Variants in SDC2 observed in about 807,000 individuals in gnomAD.
SDC2 encodes the protein syndecan-2.
SDC2 carries 13 observed loss-of-function variants against 22.2 expected under a neutral mutation model. That is an observed-to-expected ratio of 0.59 (90% CI 0.38 to 0.93). SDC2 has a LOEUF of 0.93. Ranked by LOEUF, SDC2 falls within the 40% of genes least tolerant of loss-of-function variation. SDC2 has a pLI of 0.00. For missense variants in SDC2, 235 were observed against 246.8 expected (o/e 0.95, Z 0.32); for synonymous variants, 94 against 92.8 (o/e 1.01, Z -0.07).
intron 1 of SDC2, among the ~76,000 whole-genome samples, chr8:96,571,830 C>G (rs943839016): frequency 6.6e-6 from 1 of 152,170 alleles, no homozygotes; most frequent in Non-Finnish European, 1.5e-5. Flanking sequence ...AGCTTGGTGG[C>G]TTTTGGAACC....
intron 3 of SDC2, among the ~76,000 whole-genome samples, chr8:96,605,325 C>A (rs975597661): frequency 1.3e-5 from 2 of 152,202 alleles, no homozygotes; most frequent in African/African-American, 4.8e-5. Flanking sequence ...GATTTCTCTT[C>A]CCTTTTCTAA....
At chr8:96,546,862 T>A (rs1325883086) in intron 1 of SDC2, among the ~76,000 whole-genome samples, 1 of 152,194 alleles carries the variant, frequency 6.6e-6, no homozygotes, top group African/African-American at 2.4e-5. Flanking sequence ...TCTGATTCCT[T>A]TGTGGAATTA....
chr8:96,498,433 G>A (rs563656464), intron 1 of SDC2, among the ~76,000 whole-genome samples: 19 of 151,990 alleles, frequency 1.3e-4, no homozygotes, highest in African/African-American at 4.3e-4. Context: ...CAAAGAAGTC[G>A]GGGTTTGGAA....
intron 1 of SDC2, among the ~76,000 whole-genome samples, chr8:96,539,795 T>C (rs1379155530): frequency 6.6e-6 from 1 of 152,250 alleles, no homozygotes; most frequent in Non-Finnish European, 1.5e-5. Context: ...TTATAGTCTT[T>C]GGTCATTCCC....
At chr8:96,526,080 G>A (rs185645570) in intron 1 of SDC2, among the ~76,000 whole-genome samples, 109 of 147,362 alleles carry the variant, frequency 7.4e-4, no homozygotes, top group African/African-American at 2.7e-3. Flanking sequence ...ATGGCTTTTG[G>A]ATGTGCGGGC....
At position 96,609,577 on chromosome 8, in the gene SDC2, G is replaced by T; in HGVS notation, c.*29G>T. 6.7e-7 allele frequency: 1 copy of T among 1,498,236 alleles called. No individual in the cohort carries two copies. The highest frequency in any genetic ancestry group is 9.0e-7 in the Non-Finnish European group (1 of 1,112,442). The allele number at this position is 1,498,236 out of a possible 1,614,324, so 92.8% of individuals were successfully genotyped here. A position where few individuals can be genotyped will look rare whatever the true frequency, so the allele number is the denominator to read the frequency against. Reference sequence around the variant, plus strand: ...TCCAACTTAGTGTCTCTATTTATGAGATCACTGAACTTTTCAAAATAAAGC... The same window carrying T: ...TCCAACTTAGTGTCTCTATTTATGATATCACTGAACTTTTCAAAATAAAGC... On this transcript the variant is annotated 3_prime_UTR_variant, in exon 5 of 5. Coordinates refer to ENST00000302190, the MANE Select transcript of SDC2 (RefSeq NM_002998.4).
intron 1 of SDC2, among the ~76,000 whole-genome samples, chr8:96,499,672 C>G (rs1230888731): frequency 6.6e-6 from 1 of 151,862 alleles, no homozygotes; most frequent in East Asian, 1.9e-4. Context: ...TATAACATGA[C>G]TGTTGTGAAG....
At position 96,494,094 on chromosome 8, in the gene SDC2, C is replaced by A; in HGVS notation, c.-178C>A. On this transcript the variant is annotated 5_prime_UTR_variant, in exon 1 of 5. Coordinates refer to ENST00000302190, the MANE Select transcript of SDC2 (RefSeq NM_002998.4). ...CGCAGCTGCGGGCGGCGGGAGCAGG[C>A]GCAGGAGGAGGAAGCGAGCGCCCCC... 1.7e-6 allele frequency: 1 copy of A among 591,846 alleles called. No individual in the cohort carries two copies. Among genetic ancestry groups the A allele is most frequent in the Non-Finnish European group, 2.9e-6 (1 of 348,870 alleles). 36.7% of individuals were successfully genotyped at this position (591,846 alleles called of 1,614,324 possible).
chr8:96,593,870 C>T (rs1274572521), intron 2 of SDC2, among the ~76,000 whole-genome samples: 3 of 152,168 alleles, frequency 2.0e-5, no homozygotes, highest in Non-Finnish European at 2.9e-5. Flanking sequence ...GGAGTTGACA[C>T]ATCTAAAGCT....
intron 1 of SDC2, among the ~76,000 whole-genome samples, chr8:96,556,627 G>A (rs1455762566): frequency 6.6e-6 from 1 of 151,898 alleles, no homozygotes; most frequent in African/African-American, 2.4e-5. Flanking sequence ...ATCAATTCAA[G>A]ATGGATTAAA....
At chr8:96,567,826 G>A (rs749799914) in intron 1 of SDC2, among the ~76,000 whole-genome samples, 13 of 152,118 alleles carry the variant, frequency 8.5e-5, no homozygotes, top group African/African-American at 1.4e-4. Context: ...TAACACCTCC[G>A]TTGAGCACCT....
intron 1 of SDC2, among the ~76,000 whole-genome samples, chr8:96,498,783 C>T: frequency 6.6e-6 from 1 of 152,174 alleles, no homozygotes; most frequent in East Asian, 1.9e-4. Flanking sequence ...AGCCACTATG[C>T]CTGGCCATTG....
intron 1 of SDC2, among the ~76,000 whole-genome samples, chr8:96,567,890 C>T (rs1278127720): frequency 1.3e-5 from 2 of 152,214 alleles, no homozygotes; most frequent in Non-Finnish European, 2.9e-5. Context: ...GTTATTATAA[C>T]TCCTGTAGAA....
chr8:96,500,661 CAAAAA>C (rs56672989), intron 1 of SDC2, among the ~76,000 whole-genome samples: 1 of 73,650 alleles, frequency 1.4e-5, no homozygotes, highest in Admixed American at 1.5e-4. Context: ...GACTCCATCT[CAAAAA>C]AAAAAAAAAA....
In SDC2 at chr8:96,509,360, C is replaced by T. The variant is rs1362142916; in HGVS notation, c.60+15029C>T. The stretch of plus-strand genomic sequence containing the variant: ...ATGTACTGACCAAAGAAGACAGTGT[C>T]AATAGTCTTTTGAGGTTTTGAACAT... On this transcript the variant is annotated intron_variant, in intron 1 of 4. Transcript: ENST00000302190. 1.4e-5 allele frequency among the ~76,000 whole-genome samples: 2 copies of T among 142,148 alleles called. 1 individual carries two copies. The highest frequency in any genetic ancestry group is 5.0e-5 in the African/African-American group (2 of 39,828). 93.3% of individuals were successfully genotyped at this position (142,148 alleles called of 152,430 possible). A position where few individuals can be genotyped will look rare whatever the true frequency, so the allele number is the denominator to read the frequency against.
chr8:96,608,532 G>T, intron 4 of SDC2, 62 bp downstream of exon 4: 1 of 1,438,144 alleles, frequency 7.0e-7, no homozygotes, highest in Admixed American at 2.2e-5. Flanking sequence ...TAGTCTAAGT[G>T]ATATTCAAAA....
chr8:96,533,469 C>A (rs1813699916), intron 1 of SDC2, among the ~76,000 whole-genome samples: 1 of 152,092 alleles, frequency 6.6e-6, no homozygotes, highest in Non-Finnish European at 1.5e-5. Context: ...CTGATTGGTG[C>A]ATTTGCAAAC....
At chr8:96,554,665 G>A (rs1001943393) in intron 1 of SDC2, among the ~76,000 whole-genome samples, 1 of 152,188 alleles carries the variant, frequency 6.6e-6, no homozygotes, top group South Asian at 2.1e-4. Flanking sequence ...ACCCAGGGGT[G>A]GTTGAACTGG....
chr8:96,576,877 C>G (rs920675478), intron 1 of SDC2, among the ~76,000 whole-genome samples: 1 of 152,146 alleles, frequency 6.6e-6, no homozygotes, highest in Non-Finnish European at 1.5e-5. Context: ...GAATACATTT[C>G]TAATATTCAA....
Sources: allele counts gnomAD v4.1 joint callset (sites outside exome capture counted in the v4.1 genomes callset), GRCh38; gene constraint gnomAD v4.1.1; transcripts MANE v1.5; gene names NCBI Gene and HGNC (gene_info 2026-07-23, HGNC 2026-07-21).